The following PLK3 variants were observed in gnomAD, a reference collection of about 807,000 sequenced individuals.
PLK3 encodes polo like kinase 3, also known as serine/threonine-protein kinase PLK3.
In PLK3, 41 loss-of-function variants were observed where a neutral mutation model predicts 71.6. The observed-to-expected ratio is 0.57, with a 90% CI of 0.45 to 0.74. The LOEUF (loss-of-function observed/expected upper bound fraction) is 0.74, where lower values mean the gene tolerates loss of function less well. Among genes scored for constraint, PLK3 ranks in the 30% least tolerant of loss-of-function variants. PLK3 has a pLI of 0.00. For missense variants in PLK3, 791 were observed against 875.6 expected, an observed-to-expected ratio of 0.90 and a Z score of 1.22; for synonymous variants, 366 against 355.4, an observed-to-expected ratio of 1.03 and a Z score of -0.33.
intron 5 of PLK3, among the ~76,000 whole-genome samples, chr1:44,802,514 C>T (rs1651864222): frequency 6.6e-6 from 1 of 152,046 alleles, no homozygotes; most frequent in African/African-American, 2.4e-5. Flanking sequence ...TGTGTTGACC[C>T]TAGAGGAGAG....
At chr1:44,802,594 C>T (rs1257372225) in intron 5 of PLK3, among the ~76,000 whole-genome samples, 166 bp from the exon 6 acceptor site, 2 of 151,904 alleles carry the variant, frequency 1.3e-5, no homozygotes, top group Non-Finnish European at 2.9e-5. Context: ...GGCGGGTGGG[C>T]GGGGACTCAG....
In PLK3 at chr1:44,803,978, A is replaced by G; in HGVS notation, c.1212A>G (p.Ala404=). The part of the protein sequence containing the change: ...GPAPVSLVET[A]PEDSSPRGTL... ...CCCCTGTCAGCCTGGTAGAGACAGC[A>G]CCTGAAGACAGCTCACCCCGTGGGA... Residue 404 remains alanine (A), a synonymous_variant, in exon 10 of 15, where the codon GCA becomes GCG. Transcript: ENST00000372201. The surrounding 1 kb of genome is among the most constrained non-coding windows in gnomAD (Gnocchi z 4.3). The G allele has an allele frequency of 6.4e-7, 1 of 1,553,270 alleles. No individual in the cohort carries two copies. The highest frequency in any genetic ancestry group is 2.4e-5 in the East Asian group (1 of 41,102).
chr1:44,805,818 G>T lies in PLK3; in HGVS notation c.*140G>T. On this transcript the variant is annotated 3_prime_UTR_variant, in exon 15 of 15. Transcript: ENST00000372201. ...ATCAGGGACCAGCTTTACTGGAGTT[G>T]GGGGCGGCTTGTCTTCGCTGGCTCC... is the stretch of plus-strand genomic sequence containing the variant. The T allele has an allele frequency of 7.7e-7, 1 of 1,304,010 alleles. No individual in the cohort carries two copies. The highest frequency in any genetic ancestry group is 1.0e-6 in the Non-Finnish European group (1 of 968,760). The allele number at this position is 1,304,010 out of a possible 1,614,324, so 80.8% of individuals were successfully genotyped here.
intron 5 of PLK3, among the ~76,000 whole-genome samples, chr1:44,802,192 G>T (rs1651856240): frequency 6.6e-6 from 1 of 152,118 alleles, no homozygotes; most frequent in Non-Finnish European, 1.5e-5. Flanking sequence ...GGGGTATACA[G>T]ATTCTTGGAG....
Position 44,804,700 on chromosome 1 carries a change from G to A in PLK3, c.1556G>A (p.Gly519Asp), listed in dbSNP as rs763436964. 2.5e-6 allele frequency: 4 copies of A among 1,613,672 alleles called. No individual in the cohort carries two copies. The change falls in exon 13 of 15, where the codon GGT becomes GAT. Residue 519 changes from glycine (G) to aspartate (D), a missense_variant. Coordinates refer to ENST00000372201, the MANE Select transcript of PLK3 (RefSeq NM_004073.4). ...ACAAAGCACTTCTCCTTCTCCGTGG[G>A]TGCTGTGCCCCGGGCCCTGCAGCCT... ...TSTKHFSFSV[G>D]AVPRALQPQL...
In PLK3 at chr1:44,802,953, A is replaced by G. The variant is rs1344835302; in HGVS notation, c.750-2A>G. On this transcript the variant is annotated splice_acceptor_variant, in intron 6 of 14. Transcript: ENST00000372201. LOFTEE classifies it high-confidence loss of function. ...TCCTGACCCCTTGGCCCTGCCCTAT[A>G]GGTACACGCTGCTCTGCGGGAGCCC... is the stretch of plus-strand genomic sequence containing the variant. The G allele has an allele frequency of 1.2e-5, 19 of 1,613,790 alleles. No homozygotes were observed. The highest frequency in any genetic ancestry group is 1.6e-5 in the Non-Finnish European group (19 of 1,179,878).
At chr1:44,804,885 T>C in intron 13 of PLK3, 106 bp downstream of exon 13, 1 of 1,080,954 alleles carries the variant, frequency 9.3e-7, no homozygotes, top group Non-Finnish European at 1.4e-6. Context: ...GCGGGTGGAT[T>C]ATGAGGTCAG....
Position 44,800,750 on chromosome 1 carries a change from G to A in PLK3, c.210+77G>A. ...CCGGCCTCTTTTCTGGCGCCGAGCA[G>A]GGCGTGGGCACTTGACCCCCAACGC... is the stretch of plus-strand genomic sequence containing the variant. On this transcript the variant is annotated intron_variant, in intron 1 of 14. Transcript: ENST00000372201. The surrounding 1 kb of genome is among the most constrained non-coding windows in gnomAD (Gnocchi z 6.5). 6.5e-7 allele frequency: 1 copy of A among 1,539,566 alleles called. No homozygotes were observed. Among genetic ancestry groups the A allele is most frequent in the Non-Finnish European group, 8.7e-7 (1 of 1,143,570 alleles).
At position 44,800,770 on chromosome 1, in the gene PLK3, C is replaced by T. The variant is rs1651800840; in HGVS notation, c.211-70C>T. 3 of 1,546,960 alleles carry T rather than the reference C, an allele frequency of 1.9e-6. No homozygotes were observed. The highest frequency in any genetic ancestry group is 2.6e-6 in the Non-Finnish European group (3 of 1,146,286). On this transcript the variant is annotated intron_variant, in intron 1 of 14. Coordinates refer to ENST00000372201, the MANE Select transcript of PLK3 (RefSeq NM_004073.4). The surrounding 1 kb of genome is among the most constrained non-coding windows in gnomAD (Gnocchi z 6.5). ...GAGCAGGGCGTGGGCACTTGACCCC[C>T]AACGCGGGGACGCCCGCGGGCCAGA...
intron 3 of PLK3, 51 bp downstream of exon 3, chr1:44,801,203 C>CTTTTTTTTTTTT (rs34463102): frequency 3.6e-6 from 1 of 275,412 alleles, no homozygotes; most frequent in Non-Finnish European, 6.4e-6. Flanking sequence ...AGAAGACAGT[C>CTTTTTTTTTTTT]TTTTTTTTTT....
Position 44,805,922 on chromosome 1 carries a change from A to G in PLK3, c.*244A>G. The G allele has an allele frequency of 6.8e-7, 1 of 1,480,324 alleles. No homozygotes were observed. Among genetic ancestry groups the G allele is most frequent in the Non-Finnish European group, 9.0e-7 (1 of 1,114,264 alleles). The allele number at this position is 1,480,324 out of a possible 1,614,324, so 91.7% of individuals were successfully genotyped here. On this transcript the variant is annotated 3_prime_UTR_variant, in exon 15 of 15. Transcript: ENST00000372201. ...TTATGGACCACTTTTATTTATTGTC[A>G]GACACTTATTTATTGGGATGTGAGC...
chr1:44,804,311 G>A, intron 11 of PLK3, 28 bp from the exon 12 acceptor site: 1 of 1,613,962 alleles, frequency 6.2e-7, no homozygotes, highest in Non-Finnish European at 8.5e-7. Flanking sequence ...CCAGGAGCAG[G>A]TGCTGACTCC....
In PLK3 at chr1:44,800,838, A is replaced by C; in HGVS notation, c.211-2A>C. 2 of 1,607,236 alleles carry C rather than the reference A, an allele frequency of 1.2e-6. No individual in the cohort carries two copies. The highest frequency in any genetic ancestry group is 1.7e-6 in the Non-Finnish European group (2 of 1,177,826). The stretch of plus-strand genomic sequence containing the variant: ...AACCAGCCTGATGCCCCCTCTTCAC[A>C]GGGGGGCTTCGCCCGCTGCTACGAG... On this transcript the variant is annotated splice_acceptor_variant, in intron 1 of 14. Coordinates refer to ENST00000372201, the MANE Select transcript of PLK3 (RefSeq NM_004073.4). LOFTEE classifies it high-confidence loss of function. The surrounding 1 kb of genome is among the most constrained non-coding windows in gnomAD (Gnocchi z 6.5).
chr1:44,803,259 C>T lies in PLK3; in HGVS notation c.949-9C>T. 1 of 1,613,770 alleles carries T rather than the reference C, an allele frequency of 6.2e-7. No homozygotes were observed. The highest frequency in any genetic ancestry group is 8.5e-7 in the Non-Finnish European group (1 of 1,179,794). ...CTCTCTTCTCTGTTCACATGGTTCC[C>T]CTCCCTAGGGCTACACCCCCGATCG... is the stretch of plus-strand genomic sequence containing the variant. On this transcript the variant is annotated splice_polypyrimidine_tract_variant and intron_variant, in intron 7 of 14. Transcript: ENST00000372201. The surrounding 1 kb of genome is among the most constrained non-coding windows in gnomAD (Gnocchi z 4.3).
chr1:44,801,507 C>T (rs1651828977), intron 3 of PLK3, 115 bp from the exon 4 acceptor site: 5 of 1,154,686 alleles, frequency 4.3e-6, no homozygotes, highest in East Asian at 4.8e-5. Context: ...TACACCCAGC[C>T]GAGAAGACAG....
Position 44,800,964 on chromosome 1 carries a change from C to T in PLK3, c.318+17C>T. On this transcript the variant is annotated intron_variant, in intron 2 of 14. Coordinates refer to ENST00000372201, the MANE Select transcript of PLK3 (RefSeq NM_004073.4). This position sits in a 1 kb window ranked among gnomAD's most constrained non-coding sequence, Gnocchi z 6.5. ...CGCGAGAAGGTGGGTCCAGGCTCAGCGGGCGAGGGGTGGGGTGGGGACGGT... is the reference window on the plus strand; with the variant it reads ...CGCGAGAAGGTGGGTCCAGGCTCAGTGGGCGAGGGGTGGGGTGGGGACGGT... The T allele has an allele frequency of 1.2e-6, 2 of 1,610,616 alleles. No homozygotes were observed. Among genetic ancestry groups the T allele is most frequent in the African/African-American group, 1.3e-5 (1 of 74,974 alleles).
rs1169734599 is a variant in PLK3 at position 44,800,442 on chromosome 1, C to T, written c.-22C>T. On this transcript the variant is annotated 5_prime_UTR_variant, in exon 1 of 15. Transcript: ENST00000372201. This position sits in a 1 kb window ranked among gnomAD's most constrained non-coding sequence, Gnocchi z 6.5. Reference sequence around the variant, plus strand: ...CCGGGCGGAACCGAGAAGCCGGGACCGCGCTGCGACGCGCCGGCCGCATGG... The same window carrying T: ...CCGGGCGGAACCGAGAAGCCGGGACTGCGCTGCGACGCGCCGGCCGCATGG... 37 of 1,325,350 alleles carry T rather than the reference C, an allele frequency of 2.8e-5. No homozygotes were observed. The East Asian group carries it at 1.2e-3, about 43-fold the overall frequency. 82.1% of individuals were successfully genotyped at this position (1,325,350 alleles called of 1,614,324 possible). A position where few individuals can be genotyped will look rare whatever the true frequency, so the allele number is the denominator to read the frequency against.
rs1652000661 is a variant in PLK3, at chr1:44,805,576, T to C, written c.1839T>C (p.Cys613=). ...TTGTGGCCCGAAATCGTAGTGCTTG[T>C]ACTTACCTCGCTTCCCACCTTCGGC... ...VTFVARNRSA[C]TYLASHLRQL... The change falls in exon 15 of 15, where the codon TGT becomes TGC. Residue 613 remains cysteine, a synonymous_variant. Coordinates refer to ENST00000372201, the MANE Select transcript of PLK3 (RefSeq NM_004073.4). 1 of 1,614,160 alleles carries C rather than the reference T, an allele frequency of 6.2e-7. No homozygotes were observed. The highest frequency in any genetic ancestry group is 8.5e-7 in the Non-Finnish European group (1 of 1,179,984).
rs17886354 is a variant in PLK3 at position 44,803,661 on chromosome 1, A to T, written c.1134A>T (p.Thr378=). 4 of 1,613,512 alleles carry T rather than the reference A, an allele frequency of 2.5e-6. No homozygotes were observed. In the East Asian group the frequency reaches 8.9e-5, roughly 36 times the overall value. ...GTTTGGTGAGCGGCCTCATGCGCAC[A>T]TCCGTTGGCCATCAGGATGCCAGGC... is the stretch of plus-strand genomic sequence containing the variant. ...VSGLVSGLMR[T]SVGHQDARPE... Residue 378 remains threonine (T), a synonymous_variant, in exon 9 of 15, where the codon ACA becomes ACT. Transcript: ENST00000372201. The surrounding 1 kb of genome is among the most constrained non-coding windows in gnomAD (Gnocchi z 4.3).
Sources: allele counts gnomAD v4.1 joint callset (sites outside exome capture counted in the v4.1 genomes callset), GRCh38; gene constraint gnomAD v4.1.1; non-coding constraint Gnocchi (gnomAD v3.1); transcripts MANE v1.5; gene names NCBI Gene and HGNC (gene_info 2026-07-23, HGNC 2026-07-21).